ARHGAP15: variants seen among roughly 807,000 people sequenced by gnomAD.
ARHGAP15 encodes the protein rho GTPase-activating protein 15.
Under a neutral mutation model 63.7 loss-of-function variants are expected in ARHGAP15, and 51 were observed. The ratio of observed to expected loss-of-function variants is 0.80; its 90% CI spans 0.64 to 1.01. The LOEUF is 1.01. Ranked by LOEUF, ARHGAP15 falls within the 50% of genes least tolerant of loss-of-function variation. The pLI, the probability that ARHGAP15 is intolerant of heterozygous loss-of-function variation, is 0.00. For missense variants in ARHGAP15, 560 were observed against 564.6 expected (o/e 0.99, Z 0.08); for synonymous variants, 191 against 193.8 (o/e 0.99, Z 0.12).
At chr2:143,755,533 T>A (rs1686545360) in intron 13 of ARHGAP15, among the ~76,000 whole-genome samples, 1 of 152,202 alleles carries the variant, frequency 6.6e-6, no homozygotes, top group South Asian at 2.1e-4. Flanking sequence ...GCTTTTTGCA[T>A]TGAGTCATGA....
intron 6 of ARHGAP15, among the ~76,000 whole-genome samples, chr2:143,294,931 G>A (rs1682572217): frequency 6.6e-6 from 1 of 152,026 alleles, no homozygotes; most frequent in Admixed American, 6.6e-5. Flanking sequence ...CAAAATAATA[G>A]CCAGTGTTTA....
chr2:143,695,677 G>A, intron 12 of ARHGAP15, among the ~76,000 whole-genome samples: 1 of 152,048 alleles, frequency 6.6e-6, no homozygotes, highest in Middle Eastern at 3.2e-3. Flanking sequence ...AGATCAGACT[G>A]GGCAACACGG....
intron 12 of ARHGAP15, among the ~76,000 whole-genome samples, chr2:143,661,478 C>T (rs561082825): frequency 6.6e-6 from 1 of 151,890 alleles, no homozygotes; most frequent in Admixed American, 6.6e-5. Flanking sequence ...GACAAGGGTA[C>T]AAAAAAAGTA....
At chr2:143,320,410 C>CCCGCCCCCCCCCG (rs1683958360) in intron 6 of ARHGAP15, among the ~76,000 whole-genome samples, 1 of 19,022 alleles carries the variant, frequency 5.3e-5, no homozygotes, top group African/African-American at 1.6e-4. Context: ...ACTTCCCCAC[C>CCCGCCCCCCCCCG]CCCCCCCCCC....
intron 8 of ARHGAP15, among the ~76,000 whole-genome samples, chr2:143,477,279 C>T (rs868579037): frequency 2.0e-5 from 3 of 151,816 alleles, no homozygotes; most frequent in Non-Finnish European, 4.4e-5. Flanking sequence ...AGTGAATGCT[C>T]AGTAAATGTT....
At chr2:143,493,194 A>G (rs1227379752) in intron 9 of ARHGAP15, among the ~76,000 whole-genome samples, 1 of 152,202 alleles carries the variant, frequency 6.6e-6, no homozygotes, top group African/African-American at 2.4e-5. Context: ...GTGACTCTCA[A>G]AGGGTAAGGC....
intron 1 of ARHGAP15, among the ~76,000 whole-genome samples, chr2:143,139,519 T>C (rs935914995): frequency 6.6e-6 from 1 of 152,126 alleles, no homozygotes; most frequent in African/African-American, 2.4e-5. Context: ...GATAGTTGGG[T>C]TTGAGTTAAC....
At chr2:143,739,638 T>G (rs1350697286) in intron 13 of ARHGAP15, among the ~76,000 whole-genome samples, 3 of 152,324 alleles carry the variant, frequency 2.0e-5, no homozygotes, top group African/African-American at 2.4e-5. Flanking sequence ...TCTGATTTCC[T>G]GCTACCCTTG....
chr2:143,197,739 G>C (rs1004325050), intron 2 of ARHGAP15, among the ~76,000 whole-genome samples: 3 of 151,852 alleles, frequency 2.0e-5, no homozygotes, highest in Admixed American at 1.3e-4. Flanking sequence ...TTCATAACCT[G>C]GTTGAAAATG....
intron 6 of ARHGAP15, among the ~76,000 whole-genome samples, chr2:143,365,855 T>C (rs116007117): frequency 0.019 from 2,883 of 152,312 alleles, 92 homozygotes; most frequent in African/African-American, 0.065. Flanking sequence ...TGACAGAAGG[T>C]GTGTAAAACA....
intron 6 of ARHGAP15, among the ~76,000 whole-genome samples, chr2:143,292,884 A>G (rs1682468990): frequency 6.6e-6 from 1 of 152,088 alleles, no homozygotes; most frequent in African/African-American, 2.4e-5. Flanking sequence ...CTAGAAATAT[A>G]TATCGACCTC....
intron 5 of ARHGAP15, among the ~76,000 whole-genome samples, chr2:143,243,181 T>A (rs1693926595): frequency 6.6e-6 from 1 of 152,244 alleles, no homozygotes. Flanking sequence ...ATTAAAAGAC[T>A]ATGGACCCCA....
At chr2:143,144,978 C>T (rs1210263432) in intron 1 of ARHGAP15, among the ~76,000 whole-genome samples, 1 of 151,976 alleles carries the variant, frequency 6.6e-6, no homozygotes, top group African/African-American at 2.4e-5. Flanking sequence ...GGGTTATGAC[C>T]AAATATGCAA....
chr2:143,643,977 G>A (rs1199953174), intron 12 of ARHGAP15, among the ~76,000 whole-genome samples: 10 of 151,902 alleles, frequency 6.6e-5, no homozygotes, highest in Admixed American at 3.9e-4. Flanking sequence ...GACAGAATCC[G>A]GACAGTTGTA....
At chr2:143,216,139 A>ATAAAG (rs1243822357) in intron 3 of ARHGAP15, among the ~76,000 whole-genome samples, 2 of 152,254 alleles carry the variant, frequency 1.3e-5, no homozygotes, top group Non-Finnish European at 2.9e-5. Context: ...AGAAAAGTCA[A>ATAAAG]TAAAGGTGTA....
At position 143,329,500 on chromosome 2, in the gene ARHGAP15, C is replaced by T. The variant is rs973107316; in HGVS notation, c.474+78900C>T. 9.4e-5 allele frequency among the ~76,000 whole-genome samples: 11 copies of T among 116,966 alleles called. No homozygotes were observed. The East Asian group carries it at 2.1e-3, about 23-fold the overall frequency. The allele number at this position is 116,966 out of a possible 152,430, so 76.7% of individuals were successfully genotyped here. On this transcript the variant is annotated intron_variant, in intron 6 of 13. Transcript: ENST00000295095. Reference sequence around the variant, plus strand: ...AGAAGCATATGAGCTTGAAAGAGGACCCCAAAGCCTCAGAAGATACAGTAA... The same window carrying T: ...AGAAGCATATGAGCTTGAAAGAGGATCCCAAAGCCTCAGAAGATACAGTAA...
At chr2:143,440,718 A>G (rs1258569545) in intron 8 of ARHGAP15, among the ~76,000 whole-genome samples, 1 of 152,172 alleles carries the variant, frequency 6.6e-6, no homozygotes, top group Non-Finnish European at 1.5e-5. Flanking sequence ...TTAAGATATC[A>G]GTTGAGTCTA....
intron 6 of ARHGAP15, among the ~76,000 whole-genome samples, chr2:143,410,886 A>G (rs568772811): frequency 2.0e-4 from 31 of 151,594 alleles, no homozygotes; most frequent in Admixed American, 3.9e-4. Flanking sequence ...TGATAGCTTC[A>G]ATCAGAGTAA....
chr2:143,212,867 G>T (rs1692612009), intron 3 of ARHGAP15, among the ~76,000 whole-genome samples: 1 of 152,106 alleles, frequency 6.6e-6, no homozygotes, highest in Admixed American at 6.6e-5. Flanking sequence ...TCATGACAAA[G>T]AATAGTAAAG....
Sources: allele counts gnomAD v4.1 joint callset (sites outside exome capture counted in the v4.1 genomes callset), GRCh38; gene constraint gnomAD v4.1.1; transcripts MANE v1.5; gene names NCBI Gene and HGNC (gene_info 2026-07-23, HGNC 2026-07-21).